Variants in PRKCE observed in about 807,000 individuals in gnomAD.
PRKCE encodes the protein protein kinase C epsilon type.
A neutral mutation model predicts 85.4 loss-of-function variants in PRKCE; 16 were observed. The ratio of observed to expected loss-of-function variants is 0.19; its 90% CI spans 0.13 to 0.28. The LOEUF (loss-of-function observed/expected upper bound fraction) is 0.28. Ranked by LOEUF, PRKCE falls within the 10% of genes least tolerant of loss-of-function variation. The probability of loss-of-function intolerance (pLI) is 1.00; values close to 1 mark genes in which losing one functional copy is unlikely to be tolerated. For missense variants in PRKCE, 573 were observed against 975.2 expected, an observed-to-expected ratio of 0.59 and a Z score of 5.49; for synonymous variants, 388 against 371.5, an observed-to-expected ratio of 1.04 and a Z score of -0.51.
At position 46,013,919 on chromosome 2, in the gene PRKCE, C is replaced by T. The variant is rs112748971; in HGVS notation, c.1437+3402C>T. ...TAAAGTGATGTCACCATATCTAATA[C>T]GGTGACCAATGGCAATGGTCATATG... is the stretch of plus-strand genomic sequence containing the variant. On this transcript the variant is annotated intron_variant, in intron 10 of 14. Transcript: ENST00000306156. Among the ~76,000 whole-genome samples, 9 of 152,278 alleles carry T rather than the reference C, an allele frequency of 5.9e-5. No homozygotes were observed. In the South Asian group the frequency reaches 6.2e-4, roughly 11 times the overall value.
At chr2:45,865,815 C>CTTCTTCTTCTTCTT (rs779577778) in intron 2 of PRKCE, among the ~76,000 whole-genome samples, 1 of 133,668 alleles carries the variant, frequency 7.5e-6, no homozygotes, top group Admixed American at 7.6e-5. Flanking sequence ...TCTTCTTCTT[C>CTTCTTCTTCTTCTT]TTTTTTTTTT....
At chr2:45,776,646 A>C (rs1003485703) in intron 1 of PRKCE, among the ~76,000 whole-genome samples, 1 of 152,196 alleles carries the variant, frequency 6.6e-6, no homozygotes, top group East Asian at 1.9e-4. Flanking sequence ...CAGATGATCT[A>C]ATCAAAACCA....
chr2:45,700,947 A>C (rs11674329), intron 1 of PRKCE, among the ~76,000 whole-genome samples: 52,719 of 152,054 alleles, frequency 0.35, 9,347 homozygotes, highest in African/African-American at 0.4. Context: ...GAAGCAAGGA[A>C]GGACCCTCCT....
chr2:46,019,504 A>G (rs1167813870), intron 10 of PRKCE, among the ~76,000 whole-genome samples: 3 of 152,188 alleles, frequency 2.0e-5, no homozygotes, highest in African/African-American at 4.8e-5. Context: ...TTTCTTAAAC[A>G]TATGTATAGC....
chr2:45,809,341 C>A (rs1688485651), intron 1 of PRKCE, among the ~76,000 whole-genome samples: 1 of 152,074 alleles, frequency 6.6e-6, no homozygotes, highest in Non-Finnish European at 1.5e-5. Flanking sequence ...CTAATGGCCA[C>A]CTAGAATGTG....
At chr2:45,988,677 C>G (rs150863267) in intron 6 of PRKCE, among the ~76,000 whole-genome samples, 34 of 152,304 alleles carry the variant, frequency 2.2e-4, no homozygotes, top group African/African-American at 7.9e-4. Context: ...TTTTGTGACT[C>G]AAGTGCCTGC....
chr2:46,121,088 CCTTT>C (rs1002557141), intron 11 of PRKCE, among the ~76,000 whole-genome samples: 52 of 152,262 alleles, frequency 3.4e-4, no homozygotes, highest in African/African-American at 1.2e-3. Context: ...AAAGTAAAAC[CCTTT>C]CTTTTGAGAT....
At chr2:46,065,223 TTC>T (rs1277274300) in intron 10 of PRKCE, among the ~76,000 whole-genome samples, 1 of 151,956 alleles carries the variant, frequency 6.6e-6, no homozygotes, top group Non-Finnish European at 1.5e-5. Context: ...AAAATGACTG[TTC>T]AAGACCTGTA....
intron 2 of PRKCE, among the ~76,000 whole-genome samples, chr2:45,969,121 G>A (rs1044967937): frequency 2.1e-5 from 3 of 144,834 alleles, no homozygotes; most frequent in Admixed American, 6.9e-5. Flanking sequence ...ACCATCCCTG[G>A]AATGTTGTTG....
intron 11 of PRKCE, among the ~76,000 whole-genome samples, chr2:46,107,883 T>C (rs1220190980): frequency 6.6e-6 from 1 of 152,226 alleles, no homozygotes; most frequent in African/African-American, 2.4e-5. Context: ...TACAGATCTT[T>C]TGCCCATTTT....
chr2:45,885,002 T>TATATTTTTTTTTTGTTG (rs1553440407), intron 2 of PRKCE, among the ~76,000 whole-genome samples: 1 of 97,640 alleles, frequency 1.0e-5, no homozygotes, highest in Non-Finnish European at 2.1e-5. Flanking sequence ...TATATATATA[T>TATATTTTTTTTTTGTTG]TTGTTGTTGT....
chr2:45,792,912 C>T (rs1687143273), intron 1 of PRKCE, among the ~76,000 whole-genome samples: 1 of 152,162 alleles, frequency 6.6e-6, no homozygotes, highest in Admixed American at 6.5e-5. Context: ...GATTCTCCTG[C>T]CTTAGCCTCC....
intron 1 of PRKCE, among the ~76,000 whole-genome samples, chr2:45,829,130 T>C (rs1207420392): frequency 5.9e-5 from 9 of 152,224 alleles, no homozygotes; most frequent in Non-Finnish European, 1.2e-4. Flanking sequence ...ATTACACTCT[T>C]AAAAATTCTG....
At chr2:45,687,210 A>C (rs185085504) in intron 1 of PRKCE, among the ~76,000 whole-genome samples, 1 of 152,292 alleles carries the variant, frequency 6.6e-6, no homozygotes, top group East Asian at 1.9e-4. Flanking sequence ...TGAAAATCAC[A>C]CATAAAAACC....
intron 1 of PRKCE, among the ~76,000 whole-genome samples, chr2:45,699,624 G>A (rs559508985): frequency 1.3e-5 from 2 of 152,260 alleles, no homozygotes; most frequent in East Asian, 3.9e-4. Context: ...GGCCAAACTT[G>A]TTTTAGCCTT....
rs1677461072 is a variant in PRKCE at position 45,688,332 on chromosome 2, G to C, written c.348+35884G>C. ...GTCATGGCTGCTAACTGTCTAGAAA[G>C]GGGTACATATCAGAAGAGGGTAAGC... On this transcript the variant is annotated intron_variant, in intron 1 of 14. Coordinates refer to ENST00000306156, the MANE Select transcript of PRKCE (RefSeq NM_005400.3). 3.3e-5 allele frequency among the ~76,000 whole-genome samples: 5 copies of C among 152,088 alleles called. 1 individual carries two copies. The South Asian group carries it at 1.0e-3, about 32-fold the overall frequency.
At chr2:45,691,835 C>G (rs1343798349) in intron 1 of PRKCE, among the ~76,000 whole-genome samples, 1 of 152,238 alleles carries the variant, frequency 6.6e-6, no homozygotes, top group Non-Finnish European at 1.5e-5. Context: ...GCCCAGCCAA[C>G]TGCTTTGCCA....
intron 10 of PRKCE, among the ~76,000 whole-genome samples, chr2:46,029,271 G>A (rs1156839245): frequency 6.6e-6 from 1 of 152,202 alleles, no homozygotes; most frequent in Non-Finnish European, 1.5e-5. Context: ...GGTAGAATTG[G>A]ATTTGAACCA....
At chr2:45,833,596 A>T (rs1690612429) in intron 1 of PRKCE, among the ~76,000 whole-genome samples, 1 of 152,260 alleles carries the variant, frequency 6.6e-6, no homozygotes, top group Non-Finnish European at 1.5e-5. Flanking sequence ...AATCAAAATA[A>T]GCACCACAGA....
Sources: allele counts gnomAD v4.1 joint callset (sites outside exome capture counted in the v4.1 genomes callset), GRCh38; gene constraint gnomAD v4.1.1; transcripts MANE v1.5; gene names NCBI Gene and HGNC (gene_info 2026-07-23, HGNC 2026-07-21).